Variants in KDM2A observed in about 807,000 individuals in gnomAD.
KDM2A encodes the protein lysine demethylase 2A, also known as lysine-specific demethylase 2A.
A neutral mutation model predicts 137.3 loss-of-function variants in KDM2A; 3 were observed. The ratio of observed to expected loss-of-function variants is 0.02; its 90% CI spans 0.01 to 0.06. The LOEUF (loss-of-function observed/expected upper bound fraction) is 0.06. Among genes scored for constraint, KDM2A ranks in the 10% least tolerant of loss-of-function variants. KDM2A has a pLI of 1.00. For missense variants in KDM2A, 738 were observed against 1,510.6 expected (o/e 0.49, Z 8.48); for synonymous variants, 512 against 541.5 (o/e 0.95, Z 0.76).
At chr11:67,186,868 G>A (rs982243783) in intron 5 of KDM2A, among the ~76,000 whole-genome samples, 9 of 152,174 alleles carry the variant, frequency 5.9e-5, no homozygotes, top group African/African-American at 2.2e-4. Flanking sequence ...AGGAATTCAA[G>A]ACCAGCCTGG....
intron 5 of KDM2A, among the ~76,000 whole-genome samples, chr11:67,186,814 T>C (rs1857217768): frequency 6.6e-6 from 1 of 152,154 alleles, no homozygotes; most frequent in Admixed American, 6.6e-5. Flanking sequence ...ATGCCTGTAA[T>C]CCCAGCTACT....
At chr11:67,226,011 G>A (rs565922074) in intron 10 of KDM2A, among the ~76,000 whole-genome samples, 1 of 152,286 alleles carries the variant, frequency 6.6e-6, no homozygotes, top group Admixed American at 6.5e-5. Flanking sequence ...GTTGCAGTGA[G>A]CCAAGATTGC....
chr11:67,252,407 G>C (rs931572129), intron 17 of KDM2A: 7 of 418,884 alleles, frequency 1.7e-5, no homozygotes, highest in Non-Finnish European at 3.1e-5. Context: ...GCTTGCTATG[G>C]GTCCCTAACA....
intron 12 of KDM2A, among the ~76,000 whole-genome samples, chr11:67,236,322 A>G (rs1046042229): frequency 1.3e-5 from 2 of 150,306 alleles, no homozygotes; most frequent in Non-Finnish European, 1.5e-5. Context: ...GTAGAGATGG[A>G]GTTTTACCAT....
intron 2 of KDM2A, among the ~76,000 whole-genome samples, chr11:67,146,950 A>G (rs1021392738): frequency 2.6e-5 from 4 of 152,146 alleles, no homozygotes; most frequent in Non-Finnish European, 5.9e-5. Context: ...CTCATTTGAG[A>G]TCATGTTAAT....
At chr11:67,130,666 G>T (rs1263257097) in intron 2 of KDM2A, among the ~76,000 whole-genome samples, 1 of 151,912 alleles carries the variant, frequency 6.6e-6, no homozygotes, top group Non-Finnish European at 1.5e-5. Flanking sequence ...CTCTTAATTA[G>T]GTTTCATTAA....
chr11:67,224,378 C>T (rs1204268996), intron 10 of KDM2A, among the ~76,000 whole-genome samples: 3 of 151,468 alleles, frequency 2.0e-5, no homozygotes, highest in South Asian at 2.1e-4. Flanking sequence ...GAGTTTGAAG[C>T]GAAGGATCAC....
At chr11:67,168,326 C>T (rs1189658794) in intron 2 of KDM2A, among the ~76,000 whole-genome samples, 1 of 151,896 alleles carries the variant, frequency 6.6e-6, no homozygotes, top group Non-Finnish European at 1.5e-5. Flanking sequence ...TCCCCCAAAC[C>T]CTCTGTGTTA....
At chr11:67,134,352 A>G (rs1386939747) in intron 2 of KDM2A, among the ~76,000 whole-genome samples, 1 of 152,184 alleles carries the variant, frequency 6.6e-6, no homozygotes, top group Non-Finnish European at 1.5e-5. Flanking sequence ...AGTGCACAGG[A>G]CAGCCCTAAC....
intron 17 of KDM2A, among the ~76,000 whole-genome samples, chr11:67,251,753 G>T (rs1859435133): frequency 6.6e-6 from 1 of 152,208 alleles, no homozygotes; most frequent in African/African-American, 2.4e-5. Context: ...TTCTGCCATA[G>T]AAGCTTCATG....
At chr11:67,131,090 C>G (rs756314411) in intron 2 of KDM2A, among the ~76,000 whole-genome samples, 22 of 152,132 alleles carry the variant, frequency 1.4e-4, no homozygotes, top group Admixed American at 4.6e-4. Flanking sequence ...TTTGCAAGGC[C>G]GAGGCGGGCA....
At chr11:67,196,401 C>A (rs1273667430) in intron 5 of KDM2A, 3 of 455,992 alleles carry the variant, frequency 6.6e-6, no homozygotes, top group African/African-American at 6.0e-5. Context: ...TAACCTCTTG[C>A]ATAGCTGGGA....
intron 12 of KDM2A, among the ~76,000 whole-genome samples, chr11:67,235,144 CAA>C (rs963893914): frequency 3.3e-4 from 21 of 63,640 alleles, no homozygotes; most frequent in Admixed American, 4.0e-4. Flanking sequence ...GACTCCATCT[CAA>C]AAAAAAAAAA....
At chr11:67,186,356 G>A (rs1022143826) in intron 5 of KDM2A, among the ~76,000 whole-genome samples, 5 of 152,186 alleles carry the variant, frequency 3.3e-5, no homozygotes, top group Non-Finnish European at 5.9e-5. Context: ...TGTATTCAAA[G>A]TGCTAAAAGG....
chr11:67,192,976 TTTA>T (rs1428892913), intron 5 of KDM2A, among the ~76,000 whole-genome samples: 1 of 152,138 alleles, frequency 6.6e-6, no homozygotes, highest in Admixed American at 6.6e-5. Flanking sequence ...GAGATATTCA[TTTA>T]TTTTTTATTT....
At chr11:67,183,368 T>G (rs900958306) in intron 5 of KDM2A, among the ~76,000 whole-genome samples, 1 of 152,234 alleles carries the variant, frequency 6.6e-6, no homozygotes, top group African/African-American at 2.4e-5. Flanking sequence ...GAGACATTCT[T>G]ACAGATTGTG....
At position 67,228,087 on chromosome 11, in the gene KDM2A, G is replaced by T; in HGVS notation, c.1008G>T (p.Val336=). Residue 336 remains valine, a synonymous_variant, in exon 11 of 21, where the codon GTG becomes GTT. Transcript: ENST00000529006. ...YPFYYEMCWY[V]LERYVYCITN... Reference sequence around the variant, plus strand: ...TCTACTATGAGATGTGTTGGTATGTGTTGGAGCGCTATGTGTACTGCATAA... The same window carrying T: ...TCTACTATGAGATGTGTTGGTATGTTTTGGAGCGCTATGTGTACTGCATAA... The T allele has an allele frequency of 6.2e-7, 1 of 1,612,936 alleles. No individual in the cohort carries two copies. The highest frequency in any genetic ancestry group is 8.5e-7 in the Non-Finnish European group (1 of 1,178,940).
intron 2 of KDM2A, among the ~76,000 whole-genome samples, chr11:67,152,905 AGTGTGTGTGT>A (rs146532672): frequency 0.094 from 13,356 of 142,490 alleles, 877 homozygotes; most frequent in African/African-American, 0.17. Flanking sequence ...ACAGTGCCAG[AGTGTGTGTGT>A]GTGTGTGTGT....
chr11:67,139,817 C>G (rs1356426625), intron 2 of KDM2A, among the ~76,000 whole-genome samples: 1 of 152,120 alleles, frequency 6.6e-6, no homozygotes, highest in Non-Finnish European at 1.5e-5. Context: ...TCAAGTGATT[C>G]TTCTGCCTCA....
Sources: allele counts gnomAD v4.1 joint callset (sites outside exome capture counted in the v4.1 genomes callset), GRCh38; gene constraint gnomAD v4.1.1; transcripts MANE v1.5; gene names NCBI Gene and HGNC (gene_info 2026-07-23, HGNC 2026-07-21).